The following GPRIN3 variants were observed in gnomAD, a reference collection of about 807,000 sequenced individuals.
The protein encoded by GPRIN3 is GPRIN family member 3, also known as G protein-regulated inducer of neurite outgrowth 3.
A neutral mutation model predicts 13.7 loss-of-function variants in GPRIN3; 12 were observed. The observed-to-expected ratio is 0.87, with a 90% CI of 0.56 to 1.42. The LOEUF is 1.42. Ranked by LOEUF, GPRIN3 falls within the 40% of genes most tolerant of loss-of-function variation. The pLI is 0.00. For missense variants in GPRIN3, 1,009 were observed against 958.7 expected (o/e 1.05, Z -0.69); for synonymous variants, 377 against 372.7 (o/e 1.01, Z -0.13).
intron 1 of GPRIN3, among the ~76,000 whole-genome samples, chr4:89,267,934 T>C (rs967933852): frequency 6.6e-6 from 1 of 152,178 alleles, no homozygotes; most frequent in Non-Finnish European, 1.5e-5. Flanking sequence ...ATTTATCATC[T>C]AGTACACACC....
intron 1 of GPRIN3, among the ~76,000 whole-genome samples, chr4:89,291,286 G>T (rs1724565173): frequency 6.6e-6 from 1 of 151,854 alleles, no homozygotes; most frequent in Non-Finnish European, 1.5e-5. Flanking sequence ...CCACAATCAA[G>T]ACAGAATAAT....
rs1394958764 is a variant in GPRIN3, at chr4:89,249,489, C to T, written c.622G>A (p.Val208Met). Residue 208 changes from valine (V) to methionine (M), a missense_variant, in exon 2 of 2, where the codon GTG becomes ATG. Transcript: ENST00000609438. ...ACAGGAGAGGATGAGTGACTGACCA[C>T]CCTGGCTGCTGTCACTGGAGTCTGC... ...TVQTPVTAAR[V>M]VSHSSSPVGG... The T allele has an allele frequency of 1.2e-6, 2 of 1,614,112 alleles. No individual in the cohort carries two copies. The highest frequency in any genetic ancestry group is 2.2e-5 in the East Asian group (1 of 44,874).
chr4:89,290,339 A>T (rs114545191), intron 1 of GPRIN3, among the ~76,000 whole-genome samples: 1 of 152,092 alleles, frequency 6.6e-6, no homozygotes, highest in African/African-American at 2.4e-5. Flanking sequence ...TGTCCCCTGG[A>T]CTGTCTTCTC....
rs766942279 is a variant in GPRIN3, at chr4:89,249,564, C to T, written c.547G>A (p.Asp183Asn). ...GAAGGAAACTCACAGGACACCTGATCTTTGCTGCTACTGAGGACGCCTCCC... is the reference window on the plus strand; with the variant it reads ...GAAGGAAACTCACAGGACACCTGATTTTTGCTGCTACTGAGGACGCCTCCC... ...PVGGVLSSSKDQVSCEFPSPE... is the reference protein window; with the variant it reads ...PVGGVLSSSKNQVSCEFPSPE... Residue 183 changes from aspartate (D) to asparagine (N), a missense_variant, in exon 2 of 2, where the codon GAT (aspartate) becomes AAT (asparagine). Coordinates refer to ENST00000609438, the MANE Select transcript of GPRIN3 (RefSeq NM_198281.3). 3.7e-6 allele frequency: 6 copies of T among 1,614,174 alleles called. No homozygotes were observed. The highest frequency in any genetic ancestry group is 5.1e-6 in the Non-Finnish European group (6 of 1,180,024).
intron 1 of GPRIN3, among the ~76,000 whole-genome samples, chr4:89,252,144 T>G (rs1438357832): frequency 6.6e-6 from 1 of 152,070 alleles, no homozygotes; most frequent in Non-Finnish European, 1.5e-5. Flanking sequence ...AGCTAATTTT[T>G]AATTTTTTTG....
chr4:89,303,000 A>G (rs919397656), intron 1 of GPRIN3, among the ~76,000 whole-genome samples: 6 of 152,190 alleles, frequency 3.9e-5, no homozygotes, highest in Non-Finnish European at 5.9e-5. Flanking sequence ...ATATCACAAA[A>G]TTGTTCTATT....
rs1258150161 is a variant in GPRIN3 at position 89,307,792 on chromosome 4, T to C, written c.-301A>G. The C allele has an allele frequency of 6.6e-6, 1 of 152,088 alleles. No homozygotes were observed. The highest frequency in any genetic ancestry group is 1.5e-5 in the Non-Finnish European group (1 of 68,060). The allele number at this position is 152,088 out of a possible 1,614,324, so 9.4% of individuals were successfully genotyped here. A position where few individuals can be genotyped will look rare whatever the true frequency, so the allele number is the denominator to read the frequency against. On this transcript the variant is annotated 5_prime_UTR_variant, in exon 1 of 2. Transcript: ENST00000609438. Reference sequence around the variant, plus strand: ...AGCTCCGTGCGTTCAGGAACTGAAATTACTATGCCAAGAGCAGAGGCGGCG... The same window carrying C: ...AGCTCCGTGCGTTCAGGAACTGAAACTACTATGCCAAGAGCAGAGGCGGCG...
At chr4:89,256,254 G>A (rs935028130) in intron 1 of GPRIN3, among the ~76,000 whole-genome samples, 1 of 152,072 alleles carries the variant, frequency 6.6e-6, no homozygotes, top group Admixed American at 6.6e-5. Context: ...CCCTAGAGGA[G>A]AGGGAACCTT....
intron 1 of GPRIN3, among the ~76,000 whole-genome samples, chr4:89,298,393 G>A (rs1230875363): frequency 6.6e-6 from 1 of 152,090 alleles, no homozygotes; most frequent in Non-Finnish European, 1.5e-5. Context: ...AAGCTGTGAA[G>A]AGGAACGGAA....
At chr4:89,251,789 A>G (rs1402036966) in intron 1 of GPRIN3, among the ~76,000 whole-genome samples, 1 of 152,204 alleles carries the variant, frequency 6.6e-6, no homozygotes, top group Non-Finnish European at 1.5e-5. Context: ...ATGTCTGTGT[A>G]TGATTACATA....
intron 1 of GPRIN3, among the ~76,000 whole-genome samples, chr4:89,254,962 C>G (rs1723427566): frequency 6.6e-6 from 1 of 152,176 alleles, no homozygotes; most frequent in Non-Finnish European, 1.5e-5. Flanking sequence ...CTAGGTGGCG[C>G]TGAGAAGAAC....
Position 89,243,392 on chromosome 4 carries a change from CCT to C in GPRIN3, c.*4386_*4387del, listed in dbSNP as rs1163583001. 6.6e-6 allele frequency: 1 copy of C among 152,090 alleles called. No individual in the cohort carries two copies. The highest frequency in any genetic ancestry group is 6.5e-5 in the Admixed American group (1 of 15,268). The allele number at this position is 152,090 out of a possible 1,614,324, so 9.4% of individuals were successfully genotyped here. A position where few individuals can be genotyped will look rare whatever the true frequency, so the allele number is the denominator to read the frequency against. ...AGGATGGACAGGAGATTCAGCATAT[CCT>C]CTGTTATTTGCCAGGTGGCAGCAGC... On this transcript the variant is annotated 3_prime_UTR_variant, in exon 2 of 2. Transcript: ENST00000609438.
At position 89,238,925 on chromosome 4, in the gene GPRIN3, T is replaced by C. The variant is rs1578058746; in HGVS notation, c.*8855A>G. The stretch of plus-strand genomic sequence containing the variant: ...AATCATAATCTAAATTTTTTGATGG[T>C]AAAACTAAGTCATTAGTTGAATATC... On this transcript the variant is annotated 3_prime_UTR_variant, in exon 2 of 2. Coordinates refer to ENST00000609438, the MANE Select transcript of GPRIN3 (RefSeq NM_198281.3). 6.6e-6 allele frequency: 1 copy of C among 152,204 alleles called. No individual in the cohort carries two copies. Among genetic ancestry groups the C allele is most frequent in the Admixed American group, 6.5e-5 (1 of 15,288 alleles). 9.4% of individuals were successfully genotyped at this position (152,204 alleles called of 1,614,324 possible). A position where few individuals can be genotyped will look rare whatever the true frequency, so the allele number is the denominator to read the frequency against.
intron 1 of GPRIN3, among the ~76,000 whole-genome samples, chr4:89,270,980 G>T (rs1483002525): frequency 2.0e-5 from 3 of 152,132 alleles, no homozygotes; most frequent in Non-Finnish European, 4.4e-5. Flanking sequence ...GTCAGGCTGT[G>T]AAGTGGAAGG....
chr4:89,254,082 C>T (rs1244561210), intron 1 of GPRIN3, among the ~76,000 whole-genome samples: 8 of 150,732 alleles, frequency 5.3e-5, no homozygotes, highest in African/African-American at 1.7e-4. Flanking sequence ...AACAGGTGGC[C>T]CCCAGACTTA....
rs1248939283 is a variant in GPRIN3, at chr4:89,243,514, A to G, written c.*4266T>C. On this transcript the variant is annotated 3_prime_UTR_variant, in exon 2 of 2. Transcript: ENST00000609438. ...ACAAAATGCTCAGATACATATGTAA[A>G]ATAACAAACACTAAAGGGGATGTTT... 3 of 152,218 alleles carry G rather than the reference A, an allele frequency of 2.0e-5. No homozygotes were observed. The highest frequency in any genetic ancestry group is 7.2e-5 in the African/African-American group (3 of 41,462). The allele number at this position is 152,218 out of a possible 1,614,324, so 9.4% of individuals were successfully genotyped here.
intron 1 of GPRIN3, among the ~76,000 whole-genome samples, chr4:89,270,080 C>T (rs1293519595): frequency 6.6e-6 from 1 of 151,700 alleles, no homozygotes; most frequent in Admixed American, 6.6e-5. Context: ...GTTAAAGTTA[C>T]CAAAACAGAA....
intron 1 of GPRIN3, among the ~76,000 whole-genome samples, chr4:89,279,201 A>G (rs1422276319): frequency 6.6e-6 from 1 of 152,228 alleles, no homozygotes; most frequent in East Asian, 1.9e-4. Context: ...GGAGTTTTTT[A>G]TTTCATATTA....
At chr4:89,259,743 T>G (rs1723574941) in intron 1 of GPRIN3, among the ~76,000 whole-genome samples, 1 of 152,186 alleles carries the variant, frequency 6.6e-6, no homozygotes, top group Admixed American at 6.5e-5. Context: ...AAAACAAGTC[T>G]TCCACTCCAC....
Sources: allele counts gnomAD v4.1 joint callset (sites outside exome capture counted in the v4.1 genomes callset), GRCh38; gene constraint gnomAD v4.1.1; transcripts MANE v1.5; gene names NCBI Gene and HGNC (gene_info 2026-07-23, HGNC 2026-07-21).